Variants in ADAM10 observed in about 807,000 individuals in gnomAD.
ADAM10 encodes the protein disintegrin and metalloproteinase domain-containing protein 10.
ADAM10 carries 17 observed loss-of-function variants against 90.1 expected under a neutral mutation model. The observed-to-expected ratio is 0.19, with a 90% confidence interval of 0.13 to 0.28. The LOEUF is 0.28. ADAM10 is among the 10% of genes least tolerant of loss of function. The probability of loss-of-function intolerance (pLI) is 1.00; values close to 1 mark genes in which losing one functional copy is unlikely to be tolerated. For missense variants in ADAM10, 610 were observed against 914.3 expected (o/e 0.67, Z 4.29); for synonymous variants, 310 against 298.6 (o/e 1.04, Z -0.40).
intron 1 of ADAM10, among the ~76,000 whole-genome samples, chr15:58,743,997 T>G (rs1309365073): frequency 6.6e-6 from 1 of 152,208 alleles, no homozygotes; most frequent in African/African-American, 2.4e-5. Context: ...TAATCTAGTA[T>G]ATTAGTATAA....
chr15:58,661,844 GTAAT>G (rs1322467695), intron 5 of ADAM10, among the ~76,000 whole-genome samples: 2 of 152,018 alleles, frequency 1.3e-5, no homozygotes, highest in African/African-American at 2.4e-5. Flanking sequence ...GAGTTCTGCA[GTAAT>G]TAATTTTCTT....
At chr15:58,645,273 G>A (rs1896517686) in intron 6 of ADAM10, among the ~76,000 whole-genome samples, 1 of 152,056 alleles carries the variant, frequency 6.6e-6, no homozygotes, top group African/African-American at 2.4e-5. Flanking sequence ...TTGTTCCTTG[G>A]TAAATCCTAC....
intron 5 of ADAM10, among the ~76,000 whole-genome samples, chr15:58,648,761 A>G (rs375263210): frequency 1.3e-5 from 2 of 152,266 alleles, no homozygotes; most frequent in South Asian, 2.1e-4. Flanking sequence ...AAGTTATAAT[A>G]TTACGGACAT....
intron 2 of ADAM10, among the ~76,000 whole-genome samples, chr15:58,703,384 C>CA (rs1423629612): frequency 1.3e-5 from 2 of 150,034 alleles, no homozygotes; most frequent in Non-Finnish European, 1.5e-5. Flanking sequence ...AGCAGGAACT[C>CA]AGATAGTTGC....
At chr15:58,716,371 T>C (rs1319424516) in intron 2 of ADAM10, among the ~76,000 whole-genome samples, 3 of 152,166 alleles carry the variant, frequency 2.0e-5, no homozygotes, top group African/African-American at 7.2e-5. Context: ...ATGATGCCAA[T>C]GATTCAGATA....
chr15:58,593,836 G>A lies in ADAM10; in HGVS notation c.*3711C>T, dbSNP rs1385330700. 1 of 152,142 alleles carries A rather than the reference G, an allele frequency of 6.6e-6. No homozygotes were observed. 9.4% of individuals were successfully genotyped at this position (152,142 alleles called of 1,614,324 possible). A position where few individuals can be genotyped will look rare whatever the true frequency, so the allele number is the denominator to read the frequency against. On this transcript the variant is annotated 3_prime_UTR_variant, in exon 16 of 16. Transcript: ENST00000260408. ...TTTCTACTGAAAATAGTACATACAT[G>A]TATATATCTAAGACACACAAACAAT... is the stretch of plus-strand genomic sequence containing the variant.
intron 2 of ADAM10, chr15:58,690,994 C>T (rs1283336189): frequency 6.1e-6 from 3 of 488,146 alleles, no homozygotes; most frequent in South Asian, 1.7e-5. Flanking sequence ...AGTGTCTCCA[C>T]AATGGGGTGG....
At position 58,749,426 on chromosome 15, in the gene ADAM10, G is replaced by GGCC. The variant is rs1899906419; in HGVS notation, c.55+51_55+53dup. ...GGCGCGACTGGGCTCCGCTCGGCCC[G>GGCC]GCCGCCGCTCCGCCGTGGTCGCGGC... On this transcript the variant is annotated intron_variant, in intron 1 of 15. Coordinates refer to ENST00000260408, the MANE Select transcript of ADAM10 (RefSeq NM_001110.4). 2.7e-6 allele frequency: 4 copies of GGCC among 1,491,870 alleles called. No individual in the cohort carries two copies. The South Asian group carries it at 5.1e-5, about 19-fold the overall frequency. The allele number at this position is 1,491,870 out of a possible 1,614,324, so 92.4% of individuals were successfully genotyped here.
At chr15:58,726,414 A>C (rs1899028457) in intron 1 of ADAM10, among the ~76,000 whole-genome samples, 1 of 151,790 alleles carries the variant, frequency 6.6e-6, no homozygotes, top group African/African-American at 2.4e-5. Flanking sequence ...AAAATACAAA[A>C]ATTAATGGGG....
intron 2 of ADAM10, chr15:58,691,544 C>G (rs1268185398): frequency 5.6e-6 from 3 of 539,632 alleles, no homozygotes; most frequent in Non-Finnish European, 1.1e-5. Flanking sequence ...GCAGTTCAGA[C>G]AGGTGTCGCC....
At chr15:58,675,367 A>G (rs1205626329) in intron 4 of ADAM10, among the ~76,000 whole-genome samples, 1 of 152,242 alleles carries the variant, frequency 6.6e-6, no homozygotes, top group African/African-American at 2.4e-5. Context: ...AAAATTACTC[A>G]GACCTTTAGC....
chr15:58,746,447 T>C (rs1899794668), intron 1 of ADAM10, among the ~76,000 whole-genome samples: 1 of 152,212 alleles, frequency 6.6e-6, no homozygotes, highest in African/African-American at 2.4e-5. Flanking sequence ...ACCATTAATG[T>C]AGGCAATGGT....
At chr15:58,608,559 T>C (rs1164688620) in intron 14 of ADAM10, among the ~76,000 whole-genome samples, 11 of 152,174 alleles carry the variant, frequency 7.2e-5, no homozygotes, top group African/African-American at 2.4e-4. Context: ...CTGTCAACAA[T>C]GATATAAAAT....
intron 5 of ADAM10, among the ~76,000 whole-genome samples, chr15:58,650,625 A>C (rs560122732): frequency 8.5e-4 from 130 of 152,258 alleles, no homozygotes; most frequent in African/African-American, 2.8e-3. Context: ...CCTGGAGAAA[A>C]GGTAGAACCA....
At chr15:58,599,899 T>TA (rs1283104523) in intron 14 of ADAM10, among the ~76,000 whole-genome samples, 175 bp from the exon 15 acceptor site, 1 of 151,870 alleles carries the variant, frequency 6.6e-6, no homozygotes. Context: ...TATTTAAATA[T>TA]AAAAAAAAGT....
At chr15:58,678,831 T>C (rs1312975564) in intron 4 of ADAM10, among the ~76,000 whole-genome samples, 5 of 152,226 alleles carry the variant, frequency 3.3e-5, no homozygotes, top group African/African-American at 1.2e-4. Flanking sequence ...TTACACAGAC[T>C]GGCTGATGTC....
intron 5 of ADAM10, among the ~76,000 whole-genome samples, chr15:58,657,542 TTAA>T (rs1187078002): frequency 2.0e-5 from 3 of 152,248 alleles, no homozygotes; most frequent in African/African-American, 7.2e-5. Context: ...TTGATTCTTT[TTAA>T]TTATTTCAAT....
At chr15:58,677,737 C>T (rs1401932049) in intron 4 of ADAM10, among the ~76,000 whole-genome samples, 1 of 152,130 alleles carries the variant, frequency 6.6e-6, no homozygotes, top group Non-Finnish European at 1.5e-5. Context: ...CTCCTTCATT[C>T]CTCAAAAGGT....
At chr15:58,727,624 G>A (rs764220427) in intron 1 of ADAM10, among the ~76,000 whole-genome samples, 3 of 152,244 alleles carry the variant, frequency 2.0e-5, no homozygotes, top group East Asian at 1.9e-4. Context: ...GAGATGACAC[G>A]CCAGCCTTGT....
Sources: allele counts gnomAD v4.1 joint callset (sites outside exome capture counted in the v4.1 genomes callset), GRCh38; gene constraint gnomAD v4.1.1; transcripts MANE v1.5; gene names NCBI Gene and HGNC (gene_info 2026-07-23, HGNC 2026-07-21).